VWA5A: variants seen among roughly 807,000 people sequenced by gnomAD.
The protein encoded by VWA5A is von Willebrand factor A domain containing 5A.
In VWA5A, 77 loss-of-function variants were observed where a neutral mutation model predicts 84.6. The ratio of observed to expected loss-of-function variants is 0.91; its 90% CI spans 0.76 to 1.10. The LOEUF is 1.10. Ranked by LOEUF, VWA5A falls within the 50% of genes least tolerant of loss-of-function variation. The pLI is 0.00. For synonymous variants in VWA5A, 334 were observed against 350.1 expected (o/e 0.95, Z 0.51); for missense variants, 973 against 963.0 (o/e 1.01, Z -0.14).
At position 124,136,664 on chromosome 11, in the gene VWA5A, C is replaced by T; in HGVS notation, c.1615C>T (p.Pro539Ser). 6.2e-7 allele frequency: 1 copy of T among 1,613,594 alleles called. No homozygotes were observed. The highest frequency in any genetic ancestry group is 8.5e-7 in the Non-Finnish European group (1 of 1,179,694). The change falls in exon 14 of 19, where the codon CCT (proline) becomes TCT (serine). Residue 539 changes from proline (P) to serine (S), a missense_variant. By Grantham distance (74) the Pro-to-Ser change is moderately conservative. Coordinates refer to ENST00000456829, the MANE Select transcript of VWA5A (RefSeq NM_001130142.2). ...DKVTFPLQPK[P>S]DVNLTIHRLA... ...GGTGACATTTCCTCTACAACCCAAG[C>T]CTGATGTCAAGTGAGAATTCAGTTT...
At chr11:124,145,730 T>C (rs1006568646) in intron 18 of VWA5A, 136 bp from the exon 19 acceptor site, 6 of 909,266 alleles carry the variant, frequency 6.6e-6, no homozygotes, top group Non-Finnish European at 9.7e-6. Context: ...TCAAGGAGAA[T>C]CTGGGTAGCA....
intron 14 of VWA5A, 49 bp downstream of exon 14, chr11:124,136,723 TCC>T (rs1393748248): frequency 8.1e-7 from 1 of 1,237,428 alleles, no homozygotes; most frequent in South Asian, 1.3e-5. Context: ...CTTCCTTCCT[TCC>T]TTCCTTCCTT....
intron 11 of VWA5A, among the ~76,000 whole-genome samples, chr11:124,129,391 T>C (rs550336613): frequency 6.8e-4 from 104 of 152,346 alleles, no homozygotes; most frequent in Non-Finnish European, 5.1e-4. Context: ...TAGTATTTTA[T>C]TGAGGATTTT....
chr11:124,125,750 T>C (rs1865010180), intron 11 of VWA5A, among the ~76,000 whole-genome samples: 1 of 152,246 alleles, frequency 6.6e-6, no homozygotes, highest in African/African-American at 2.4e-5. Flanking sequence ...ATATAGTTCA[T>C]TCTGTAGTCT....
In VWA5A at chr11:124,126,438, C is replaced by A. The variant is rs538071946; in HGVS notation, c.1244+2122C>A. Among the ~76,000 whole-genome samples, 6 of 152,146 alleles carry A rather than the reference C, an allele frequency of 3.9e-5. No individual in the cohort carries two copies. In the East Asian group the frequency reaches 1.2e-3, roughly 29 times the overall value. On this transcript the variant is annotated intron_variant, in intron 11 of 18. Transcript: ENST00000456829. ...TTGTTTCCAACATTTTATTAAGAAACCTTAAACATATAGAGATCTTGCAAA... is the reference window on the plus strand; with the variant it reads ...TTGTTTCCAACATTTTATTAAGAAAACTTAAACATATAGAGATCTTGCAAA...
chr11:124,118,839 C>A, intron 6 of VWA5A, 131 bp downstream of exon 6: 1 of 1,348,768 alleles, frequency 7.4e-7, no homozygotes. Flanking sequence ...GTCATTTAAT[C>A]TCCAGAGCCT....
chr11:124,135,150 C>A, intron 12 of VWA5A, 116 bp downstream of exon 12: 1 of 777,224 alleles, frequency 1.3e-6, no homozygotes, highest in Non-Finnish European at 2.0e-6. Flanking sequence ...ATACCTGTTC[C>A]TATATCCCCA....
intron 12 of VWA5A, among the ~76,000 whole-genome samples, chr11:124,135,599 C>T (rs1039194403): frequency 5.4e-5 from 7 of 130,442 alleles, no homozygotes; most frequent in African/African-American, 2.1e-4. Context: ...GGCGGGATCT[C>T]GGCTCACTGC....
chr11:124,136,994 C>G (rs773208728), intron 14 of VWA5A, 21 bp from the exon 15 acceptor site: 1 of 1,294,876 alleles, frequency 7.7e-7, no homozygotes, highest in Non-Finnish European at 1.1e-6. Flanking sequence ...CATTTCAGTA[C>G]TTTTTTTTTT....
At position 124,147,621 on chromosome 11, in the gene VWA5A, C is replaced by A. The variant is rs942027651; in HGVS notation, c.*1676C>A. 3 of 152,118 alleles carry A rather than the reference C, an allele frequency of 2.0e-5. No homozygotes were observed. The highest frequency in any genetic ancestry group is 2.0e-4 in the Admixed American group (3 of 15,268). The allele number at this position is 152,118 out of a possible 1,614,324, so 9.4% of individuals were successfully genotyped here. Reference sequence around the variant, plus strand: ...GAATTTTAATCGATACCAGGAACTACTTTATTTAACAAGGCTCCCAGGTAT... The same window carrying A: ...GAATTTTAATCGATACCAGGAACTAATTTATTTAACAAGGCTCCCAGGTAT... On this transcript the variant is annotated 3_prime_UTR_variant, in exon 19 of 19. Transcript: ENST00000456829.
chr11:124,137,404 G>T, intron 15 of VWA5A, 136 bp downstream of exon 15: 2 of 1,228,938 alleles, frequency 1.6e-6, no homozygotes, highest in African/African-American at 1.5e-5. Context: ...TAGGATTTCT[G>T]GTTAGTGTTA....
chr11:124,135,215 C>T (rs567166498), intron 12 of VWA5A, among the ~76,000 whole-genome samples, 181 bp downstream of exon 12: 22 of 152,260 alleles, frequency 1.4e-4, no homozygotes, highest in African/African-American at 4.3e-4. Context: ...TAATAGAAGC[C>T]CACTGTAGTA....
rs769840702 is a variant in VWA5A, at chr11:124,145,915, A to T, written c.2331A>T (p.Ser777=). Residue 777 remains serine (S), a synonymous_variant, in exon 19 of 19, where the codon TCA becomes TCT. Transcript: ENST00000456829. ...AAGCTGCTATTACTTTCCTGAAGTC[A>T]TCTGTGGATCCTGCTATCTTTGCCT... ...VVKAAITFLK[S]SVDPAIFAF The T allele has an allele frequency of 6.3e-7, 1 of 1,588,444 alleles. No individual in the cohort carries two copies. Among genetic ancestry groups the T allele is most frequent in the South Asian group, 1.1e-5 (1 of 87,876 alleles).
chr11:124,118,879 A>G, intron 6 of VWA5A, 96 bp from the exon 7 acceptor site: 1 of 1,364,706 alleles, frequency 7.3e-7, no homozygotes, highest in East Asian at 2.5e-5. Flanking sequence ...GTTCCTAGTC[A>G]TGCTGTCTTA....
At chr11:124,135,601 G>A (rs2137655039) in intron 12 of VWA5A, among the ~76,000 whole-genome samples, 1 of 136,642 alleles carries the variant, frequency 7.3e-6, no homozygotes, top group African/African-American at 2.9e-5. Flanking sequence ...CGGGATCTCG[G>A]CTCACTGCAA....
intron 17 of VWA5A, among the ~76,000 whole-genome samples, chr11:124,142,782 G>GT (rs111751268): frequency 7.2e-5 from 11 of 151,870 alleles, no homozygotes; most frequent in African/African-American, 2.7e-4. Flanking sequence ...AATTGATGGG[G>GT]TTTTTTTTGC....
At chr11:124,141,786 C>A in intron 16 of VWA5A, 45 bp downstream of exon 16, 1 of 1,604,446 alleles carries the variant, frequency 6.2e-7, no homozygotes, top group Non-Finnish European at 8.5e-7. Context: ...GTTTTTCTGT[C>A]ACATATACAG....
Position 124,118,355 on chromosome 11 carries a change from A to G in VWA5A, c.413A>G (p.Asp138Gly). 1 of 1,614,224 alleles carries G rather than the reference A, an allele frequency of 6.2e-7. No homozygotes were observed. Among genetic ancestry groups the G allele is most frequent in the South Asian group, 1.1e-5 (1 of 91,084 alleles). The change falls in exon 5 of 19, where the codon GAT becomes GGT. Residue 138 changes from aspartate to glycine, a missense_variant. Coordinates refer to ENST00000456829, the MANE Select transcript of VWA5A (RefSeq NM_001130142.2). ...KYVQELPLEA[D>G]GALRFVLPAV... ...GTGCAGGAGCTGCCTCTGGAAGCAGATGGGGCTCTGCGCTTTGTGCTCCCA... is the reference window on the plus strand; with the variant it reads ...GTGCAGGAGCTGCCTCTGGAAGCAGGTGGGGCTCTGCGCTTTGTGCTCCCA...
At chr11:124,129,357 G>A (rs1427498205) in intron 11 of VWA5A, among the ~76,000 whole-genome samples, 1 of 152,142 alleles carries the variant, frequency 6.6e-6, no homozygotes, top group Non-Finnish European at 1.5e-5. Context: ...TAAGCTTTTT[G>A]ATGTGCCGCT....
Sources: allele counts gnomAD v4.1 joint callset (sites outside exome capture counted in the v4.1 genomes callset), GRCh38; gene constraint gnomAD v4.1.1; transcripts MANE v1.5; gene names NCBI Gene and HGNC (gene_info 2026-07-23, HGNC 2026-07-21).